Variants in SCN8A observed in about 807,000 individuals in gnomAD.
SCN8A encodes the protein sodium channel protein type 8 subunit alpha.
In SCN8A, 30 loss-of-function variants were observed where a neutral mutation model predicts 184.1. The observed-to-expected ratio is 0.16, with a 90% confidence interval of 0.12 to 0.22. SCN8A has a LOEUF of 0.22. Ranked by LOEUF, SCN8A falls within the 10% of genes least tolerant of loss-of-function variation. The pLI is 1.00. For missense variants in SCN8A, 1,057 were observed against 2,498.9 expected (o/e 0.42, Z 12.30); for synonymous variants, 852 against 907.0 (o/e 0.94, Z 1.09).
At chr12:51,621,647 A>G (rs1565862545) in intron 1 of SCN8A, among the ~76,000 whole-genome samples, 1 of 152,210 alleles carries the variant, frequency 6.6e-6, no homozygotes, top group Non-Finnish European at 1.5e-5. Flanking sequence ...AGGGCAGTAC[A>G]GATTTCTTTA....
chr12:51,668,421 C>T (rs945848207), intron 2 of SCN8A, among the ~76,000 whole-genome samples: 1 of 152,150 alleles, frequency 6.6e-6, no homozygotes, highest in African/African-American at 2.4e-5. Context: ...GCTCATGCCT[C>T]CTGACCCTCC....
At chr12:51,749,738 A>C (rs938008157) in intron 13 of SCN8A, among the ~76,000 whole-genome samples, 2 of 152,154 alleles carry the variant, frequency 1.3e-5, no homozygotes, top group African/African-American at 4.8e-5. Flanking sequence ...GTCTAAAATA[A>C]AGCATCGCCA....
chr12:51,708,624 A>G (rs1048463828), intron 11 of SCN8A, among the ~76,000 whole-genome samples: 11 of 152,114 alleles, frequency 7.2e-5, no homozygotes, highest in Admixed American at 3.9e-4. Context: ...TGCCAGTCTT[A>G]TTCATTTCAG....
intron 1 of SCN8A, among the ~76,000 whole-genome samples, chr12:51,637,298 T>C (rs1940340050): frequency 6.6e-6 from 1 of 152,142 alleles, no homozygotes; most frequent in African/African-American, 2.4e-5. Flanking sequence ...CCTCTTAGTG[T>C]TCAAGTAAAA....
chr12:51,750,294 AT>A (rs1942576755), intron 13 of SCN8A, among the ~76,000 whole-genome samples: 2 of 152,192 alleles, frequency 1.3e-5, no homozygotes, highest in South Asian at 4.1e-4. Context: ...TTGTTTGACA[AT>A]AACACTTTCT....
At chr12:51,765,046 A>AT (rs1012072425) in intron 15 of SCN8A, among the ~76,000 whole-genome samples, 1 of 152,066 alleles carries the variant, frequency 6.6e-6, no homozygotes, top group African/African-American at 2.4e-5. Flanking sequence ...AAATGCTAGG[A>AT]TTACAGGCAT....
intron 12 of SCN8A, among the ~76,000 whole-genome samples, chr12:51,742,360 A>C (rs1019362569): frequency 6.6e-6 from 1 of 152,158 alleles, no homozygotes; most frequent in Non-Finnish European, 1.5e-5. Context: ...TCCTTTTAGC[A>C]GTTCCTGTAG....
At chr12:51,753,666 G>A (rs1021034986) in intron 14 of SCN8A, among the ~76,000 whole-genome samples, 12 of 152,148 alleles carry the variant, frequency 7.9e-5, no homozygotes, top group Admixed American at 7.9e-4. Flanking sequence ...CCTTAAATAA[G>A]TCATTGATTT....
At chr12:51,655,099 GT>G (rs1940794627) in intron 1 of SCN8A, among the ~76,000 whole-genome samples, 1 of 151,914 alleles carries the variant, frequency 6.6e-6, no homozygotes, top group African/African-American at 2.4e-5. Flanking sequence ...GGTTTTTGCT[GT>G]GTCGGCCAGG....
chr12:51,731,626 G>GT (rs1457628872), intron 12 of SCN8A, among the ~76,000 whole-genome samples: 1 of 152,036 alleles, frequency 6.6e-6, no homozygotes, highest in African/African-American at 2.4e-5. Flanking sequence ...TCTATTTTTA[G>GT]TTTTTTGAGG....
chr12:51,602,493 G>A (rs1348182059), intron 1 of SCN8A, among the ~76,000 whole-genome samples: 1 of 152,184 alleles, frequency 6.6e-6, no homozygotes, highest in Non-Finnish European at 1.5e-5. Context: ...CAGAGTTTCA[G>A]CTTGAGAAAA....
chr12:51,801,495 C>G (rs1183205482), intron 26 of SCN8A, among the ~76,000 whole-genome samples: 1 of 152,182 alleles, frequency 6.6e-6, no homozygotes, highest in Non-Finnish European at 1.5e-5. Context: ...TGGATCCCTT[C>G]CTCTACATTA....
At chr12:51,772,614 A>T (rs1175913386) in intron 19 of SCN8A, among the ~76,000 whole-genome samples, 1 of 151,726 alleles carries the variant, frequency 6.6e-6, no homozygotes, top group Non-Finnish European at 1.5e-5. Context: ...TGATTGAGCA[A>T]AGGGGATTTA....
intron 19 of SCN8A, 148 bp downstream of exon 19, chr12:51,770,831 T>A: frequency 1.3e-6 from 1 of 780,666 alleles, no homozygotes; most frequent in Non-Finnish European, 2.1e-6. Context: ...TGCTTTAGGC[T>A]GCTGCTTTGA....
At position 51,730,984 on chromosome 12, in the gene SCN8A, CT is replaced by C. The variant is rs200242480; in HGVS notation, c.1998+9078del. 9.3e-3 allele frequency among the ~76,000 whole-genome samples: 1,413 copies of C among 152,288 alleles called. 22 individuals are homozygous for C. The highest frequency in any genetic ancestry group is 0.032 in the African/African-American group (1,342 of 41,550). ...GTGATGTTTGTCTTCCTGTGCCTGGCTTATTTCACTTAATATAATGACTTTC... is the reference window on the plus strand; with the variant it reads ...GTGATGTTTGTCTTCCTGTGCCTGGCTATTTCACTTAATATAATGACTTTC... On this transcript the variant is annotated intron_variant, in intron 12 of 26. Transcript: ENST00000627620.
chr12:51,789,340 C>T lies in SCN8A; in HGVS notation c.4341C>T (p.Phe1447=), dbSNP rs1298845619. 1 of 1,614,028 alleles carries T rather than the reference C, an allele frequency of 6.2e-7. No individual in the cohort carries two copies. The highest frequency in any genetic ancestry group is 2.2e-5 in the East Asian group (1 of 44,886). The change falls in exon 24 of 27, where the codon TTC becomes TTT. Residue 1447 remains phenylalanine (F), a synonymous_variant. Coordinates refer to ENST00000627620, the MANE Select transcript of SCN8A (RefSeq NM_001330260.2). ...ACATGTACATCTATTTTGTCATCTTCATCATCTTCGGCTCCTTCTTCACCC... is the reference window on the plus strand; with the variant it reads ...ACATGTACATCTATTTTGTCATCTTTATCATCTTCGGCTCCTTCTTCACCC... ...NIYMYIYFVI[F]IIFGSFFTLN...
At position 51,616,401 on chromosome 12, in the gene SCN8A, G is replaced by T. The variant is rs147284550; in HGVS notation, c.-55+25042G>T. Reference sequence around the variant, plus strand: ...TGGCTCACGGATCACTTGAGGTCAGGAGTTCGAGACCAGCCTGGCTAACAT... The same window carrying T: ...TGGCTCACGGATCACTTGAGGTCAGTAGTTCGAGACCAGCCTGGCTAACAT... On this transcript the variant is annotated intron_variant, in intron 1 of 26. Coordinates refer to ENST00000627620, the MANE Select transcript of SCN8A (RefSeq NM_001330260.2). Among the ~76,000 whole-genome samples, 1,442 of 152,264 alleles carry T rather than the reference G, an allele frequency of 9.5e-3. 32 individuals carry two copies. Among genetic ancestry groups the T allele is most frequent in the African/African-American group, 0.033 (1,352 of 41,530 alleles).
chr12:51,637,347 G>T (rs1363322215), intron 1 of SCN8A, among the ~76,000 whole-genome samples: 1 of 152,158 alleles, frequency 6.6e-6, no homozygotes, highest in Non-Finnish European at 1.5e-5. Flanking sequence ...GGCTAGAAAT[G>T]ATTAAACTTA....
intron 1 of SCN8A, among the ~76,000 whole-genome samples, chr12:51,615,345 A>C (rs1411276950): frequency 6.6e-6 from 1 of 152,200 alleles, no homozygotes; most frequent in Non-Finnish European, 1.5e-5. Context: ...GCTTGAGCCC[A>C]GGAATTTGAG....
Sources: gnomAD v4.1 joint callset for allele counts (sites outside exome capture counted in the v4.1 genomes callset) on GRCh38, gnomAD v4.1.1 for gene constraint, MANE v1.5 for transcripts, NCBI Gene and HGNC (gene_info 2026-07-23, HGNC 2026-07-21) for gene names.